The following ELOVL5 variants were observed in gnomAD, a reference collection of about 807,000 sequenced individuals.
The protein encoded by ELOVL5 is ELOVL fatty acid elongase 5.
Under a neutral mutation model 38.6 loss-of-function variants are expected in ELOVL5, and 8 were observed. The observed-to-expected ratio is 0.21, with a 90% CI of 0.12 to 0.37. ELOVL5 has a LOEUF of 0.37. ELOVL5 is among the 10% of genes least tolerant of loss of function. The pLI is 1.00. For missense variants in ELOVL5, 280 were observed against 367.8 expected (o/e 0.76, Z 1.95); for synonymous variants, 127 against 133.7 (o/e 0.95, Z 0.34).
In ELOVL5 at chr6:53,291,947, T is replaced by A; in HGVS notation, c.75A>T (p.Gly25=). 6.4e-7 allele frequency: 1 copy of A among 1,563,168 alleles called. No individual in the cohort carries two copies. Residue 25 remains glycine (G), a synonymous_variant, in exon 3 of 8, where the codon GGA becomes GGT. Transcript: ENST00000304434. ...GTATATAATTGTCCAGAAGAAACCA[T>A]CCTTTTACTCTAGTATCTGAAAAAT... ...LLGPRDTRVK[G]WFLLDNYIPT...
At chr6:53,320,405 C>T (rs368039869) in intron 1 of ELOVL5, among the ~76,000 whole-genome samples, 2 of 151,898 alleles carry the variant, frequency 1.3e-5, no homozygotes, top group African/African-American at 2.4e-5. Context: ...GGCGCGATCT[C>T]GGCTCACTGC....
intron 1 of ELOVL5, among the ~76,000 whole-genome samples, chr6:53,300,124 A>T (rs1201011840): frequency 1.3e-5 from 2 of 152,116 alleles, no homozygotes; most frequent in East Asian, 3.9e-4. Context: ...TGGCATGTTC[A>T]GTATTTCCCC....
intron 3 of ELOVL5, among the ~76,000 whole-genome samples, chr6:53,285,934 G>A (rs1766552038): frequency 6.6e-6 from 1 of 151,026 alleles, no homozygotes; most frequent in African/African-American, 2.4e-5. Flanking sequence ...TATGTCTACT[G>A]TTTTTTTTTA....
intron 1 of ELOVL5, among the ~76,000 whole-genome samples, chr6:53,312,468 AC>A (rs1767883217): frequency 6.6e-6 from 1 of 152,222 alleles, no homozygotes; most frequent in African/African-American, 2.4e-5. Context: ...AAATGACAGA[AC>A]TATAAAGATA....
intron 1 of ELOVL5, among the ~76,000 whole-genome samples, chr6:53,343,218 CTTTA>C (rs142178755): frequency 0.34 from 51,339 of 149,914 alleles, 9,354 homozygotes; most frequent in African/African-American, 0.48. Flanking sequence ...TTCCTTCTTT[CTTTA>C]TTTATTTTGG....
chr6:53,297,566 A>T (rs1369193604), intron 1 of ELOVL5, among the ~76,000 whole-genome samples: 1 of 152,162 alleles, frequency 6.6e-6, no homozygotes, highest in Non-Finnish European at 1.5e-5. Context: ...CTGCCTCAGG[A>T]TCGAAGTGCT....
rs1220081421 is a variant in ELOVL5 at position 53,269,199 on chromosome 6, A to G, written c.828T>C (p.Ala276=). The part of the protein sequence containing the change: ...LKDHQNGSMA[A]VNGHTNSFSP... Reference sequence around the variant, plus strand: ...AAAAGCTGTTGGTGTGTCCATTCACAGCAGCCATGGACCCATTCTGGTGGT... The same window carrying G: ...AAAAGCTGTTGGTGTGTCCATTCACGGCAGCCATGGACCCATTCTGGTGGT... The change falls in exon 8 of 8, where the codon GCT becomes GCC. Residue 276 remains alanine (A), a synonymous_variant. Transcript: ENST00000304434. 3.1e-6 allele frequency: 5 copies of G among 1,614,012 alleles called. No homozygotes were observed. The South Asian group carries it at 4.4e-5, about 14-fold the overall frequency.
At chr6:53,298,537 G>T (rs916680553) in intron 1 of ELOVL5, among the ~76,000 whole-genome samples, 2 of 151,986 alleles carry the variant, frequency 1.3e-5, no homozygotes, top group Non-Finnish European at 1.5e-5. Flanking sequence ...TCTGAAAAAC[G>T]GGGAAAAGAC....
At position 53,285,534 on chromosome 6, in the gene ELOVL5, C is replaced by A. The variant is rs539141851; in HGVS notation, c.246+6242G>T. 3.3e-5 allele frequency among the ~76,000 whole-genome samples: 5 copies of A among 150,044 alleles called. No homozygotes were observed. In the East Asian group the frequency reaches 9.7e-4, roughly 29 times the overall value. On this transcript the variant is annotated intron_variant, in intron 3 of 7. Coordinates refer to ENST00000304434, the MANE Select transcript of ELOVL5 (RefSeq NM_021814.5). Reference sequence around the variant, plus strand: ...GCAGCCAGTTATCTGGAAGATTTAACTAAGATCACTGACGAACATGGCTAC... The same window carrying A: ...GCAGCCAGTTATCTGGAAGATTTAAATAAGATCACTGACGAACATGGCTAC...
intron 1 of ELOVL5, among the ~76,000 whole-genome samples, chr6:53,318,182 AATG>A (rs1157353213): frequency 6.6e-6 from 1 of 152,246 alleles, no homozygotes; most frequent in Non-Finnish European, 1.5e-5. Context: ...TCTATAGTAA[AATG>A]ATGTTTCCTA....
chr6:53,313,834 G>C (rs914178359), intron 1 of ELOVL5, among the ~76,000 whole-genome samples: 1 of 152,234 alleles, frequency 6.6e-6, no homozygotes, highest in Admixed American at 6.5e-5. Context: ...ACAATGTGCA[G>C]TCACTATGTG....
chr6:53,311,307 A>C (rs1767820297), intron 1 of ELOVL5, among the ~76,000 whole-genome samples: 1 of 152,232 alleles, frequency 6.6e-6, no homozygotes, highest in African/African-American at 2.4e-5. Flanking sequence ...GGTAGCTATA[A>C]TCATAAAAAC....
intron 1 of ELOVL5, among the ~76,000 whole-genome samples, chr6:53,310,813 G>A (rs535098435): frequency 2.0e-5 from 3 of 152,180 alleles, no homozygotes; most frequent in South Asian, 2.1e-4. Flanking sequence ...AACAAATTTC[G>A]AACTGTTACC....
chr6:53,308,906 C>T (rs209484), intron 1 of ELOVL5, among the ~76,000 whole-genome samples: 134,687 of 137,180 alleles, frequency 0.98, 66,131 homozygotes, highest in East Asian at 1. Context: ...GGCGGGGAGG[C>T]AATCATATTT....
intron 1 of ELOVL5, among the ~76,000 whole-genome samples, chr6:53,297,555 A>G (rs1391135815): frequency 6.6e-6 from 1 of 152,094 alleles, no homozygotes; most frequent in African/African-American, 2.4e-5. Context: ...TATCAGATCA[A>G]CTGCCTCAGG....
intron 1 of ELOVL5, among the ~76,000 whole-genome samples, chr6:53,344,427 C>T (rs1236114901): frequency 6.6e-6 from 1 of 152,200 alleles, no homozygotes; most frequent in Non-Finnish European, 1.5e-5. Context: ...CCACCCTACA[C>T]TCTAACAAGA....
intron 1 of ELOVL5, among the ~76,000 whole-genome samples, chr6:53,323,899 G>A (rs1053392582): frequency 1.3e-5 from 2 of 152,152 alleles, no homozygotes; most frequent in African/African-American, 4.8e-5. Flanking sequence ...TCTAAAGCCA[G>A]GATAAGTAAC....
At chr6:53,290,794 G>A (rs1766744797) in intron 3 of ELOVL5, among the ~76,000 whole-genome samples, 1 of 130,880 alleles carries the variant, frequency 7.6e-6, no homozygotes, top group South Asian at 2.6e-4. Flanking sequence ...TGAGGCTGAT[G>A]GAGAATTCAT....
chr6:53,308,936 TGA>T (rs1261327781), intron 1 of ELOVL5, among the ~76,000 whole-genome samples: 2 of 151,882 alleles, frequency 1.3e-5, no homozygotes, highest in African/African-American at 4.8e-5. Flanking sequence ...TCTCTCAAGC[TGA>T]AATAAAACCT....
Sources: gnomAD v4.1 joint callset for allele counts (sites outside exome capture counted in the v4.1 genomes callset) on GRCh38, gnomAD v4.1.1 for gene constraint, MANE v1.5 for transcripts, NCBI Gene and HGNC (gene_info 2026-07-23, HGNC 2026-07-21) for gene names.